Variants in THEMIS observed in about 807,000 individuals in gnomAD.
THEMIS encodes the protein protein THEMIS.
A neutral mutation model predicts 52.6 loss-of-function variants in THEMIS; 37 were observed. That is an observed-to-expected ratio of 0.70 (90% CI 0.54 to 0.93). THEMIS has a LOEUF of 0.93. Among genes scored for constraint, THEMIS ranks in the 40% least tolerant of loss-of-function variants. The pLI, the probability that THEMIS is intolerant of heterozygous loss-of-function variation, is 0.00. For missense variants in THEMIS, 808 were observed against 763.1 expected (o/e 1.06, Z -0.69); for synonymous variants, 292 against 272.7 (o/e 1.07, Z -0.70).
intron 1 of THEMIS, among the ~76,000 whole-genome samples, chr6:127,914,456 G>A (rs996087131): frequency 1.1e-4 from 17 of 152,210 alleles, no homozygotes; most frequent in African/African-American, 2.6e-4. Flanking sequence ...TCATTGTTGC[G>A]TTAATCATAG....
intron 2 of THEMIS, among the ~76,000 whole-genome samples, chr6:127,834,412 A>T (rs1345750381): frequency 8.1e-6 from 1 of 123,100 alleles, no homozygotes; most frequent in Non-Finnish European, 1.6e-5. Context: ...TCTCCACTAA[A>T]AATACAAAAA....
intron 1 of THEMIS, among the ~76,000 whole-genome samples, chr6:127,863,943 A>C (rs905960977): frequency 1.3e-5 from 2 of 152,144 alleles, no homozygotes; most frequent in Non-Finnish European, 2.9e-5. Context: ...ATACCTTATC[A>C]ATAGCTGGAT....
chr6:127,779,354 A>G (rs1231349928), intron 4 of THEMIS, among the ~76,000 whole-genome samples: 3 of 152,132 alleles, frequency 2.0e-5, no homozygotes, highest in Admixed American at 6.6e-5. Flanking sequence ...TGAGTTAACA[A>G]CGAGTTTGAA....
At chr6:127,804,296 T>G (rs970502876) in intron 4 of THEMIS, among the ~76,000 whole-genome samples, 2 of 152,116 alleles carry the variant, frequency 1.3e-5, no homozygotes, top group East Asian at 1.9e-4. Flanking sequence ...CTGTGCCAAA[T>G]AGTACCTAGT....
chr6:127,759,747 T>C (rs974931675), intron 4 of THEMIS, among the ~76,000 whole-genome samples: 3 of 152,030 alleles, frequency 2.0e-5, no homozygotes, highest in Admixed American at 6.6e-5. Flanking sequence ...GTATGTTGTT[T>C]ATTTTCCTTT....
At chr6:127,880,627 T>A (rs924224180) in intron 1 of THEMIS, among the ~76,000 whole-genome samples, 1 of 148,178 alleles carries the variant, frequency 6.7e-6, no homozygotes, top group Non-Finnish European at 1.5e-5. Flanking sequence ...AATTCACACA[T>A]TGTTTATGGG....
At chr6:127,700,015 T>C in the THEMIS span, among the ~76,000 whole-genome samples, 1 of 151,796 alleles carries the variant, frequency 6.6e-6, no homozygotes, top group Non-Finnish European at 1.5e-5. Context: ...AATGAAAAGA[T>C]AAACCACCGA....
At chr6:127,912,588 T>G (rs976240184) in intron 1 of THEMIS, among the ~76,000 whole-genome samples, 4 of 152,172 alleles carry the variant, frequency 2.6e-5, no homozygotes, top group Non-Finnish European at 4.4e-5. Flanking sequence ...GCTTCCATAT[T>G]ATTTTAGACC....
chr6:127,727,554 A>G (rs1012900842), intron 4 of THEMIS, among the ~76,000 whole-genome samples: 7 of 152,116 alleles, frequency 4.6e-5, no homozygotes, highest in Non-Finnish European at 1.0e-4. Flanking sequence ...TACCTTTGAA[A>G]TCATCTTAGC....
downstream of THEMIS, among the ~76,000 whole-genome samples, chr6:127,705,488 C>T (rs1773788129): frequency 6.6e-6 from 1 of 152,164 alleles, no homozygotes; most frequent in African/African-American, 2.4e-5. Flanking sequence ...TGGCCCTCTC[C>T]CTGATAAGTT....
intron 1 of THEMIS, among the ~76,000 whole-genome samples, chr6:127,881,307 A>G (rs562352188): frequency 6.6e-6 from 1 of 152,198 alleles, no homozygotes; most frequent in Non-Finnish European, 1.5e-5. Flanking sequence ...TAGCCAATTA[A>G]TATCTTTAAC....
intron 3 of THEMIS, among the ~76,000 whole-genome samples, chr6:127,828,134 C>T (rs1778571937): frequency 6.6e-6 from 1 of 152,126 alleles, no homozygotes. Context: ...TTTCTTGCTT[C>T]CTAATTTATT....
chr6:127,881,997 CAAA>C (rs5879865), intron 1 of THEMIS, among the ~76,000 whole-genome samples: 23 of 118,186 alleles, frequency 1.9e-4, no homozygotes, highest in Non-Finnish European at 2.5e-4. Flanking sequence ...TCTTATACAG[CAAA>C]AAAAAAAAAA....
chr6:127,895,367 T>C (rs1243644929), intron 1 of THEMIS, among the ~76,000 whole-genome samples: 2 of 151,550 alleles, frequency 1.3e-5, no homozygotes, highest in Non-Finnish European at 3.0e-5. Context: ...CAACTTGATG[T>C]TTCTGACATT....
chr6:127,880,870 G>A (rs1021252932), intron 1 of THEMIS, among the ~76,000 whole-genome samples: 5 of 152,022 alleles, frequency 3.3e-5, no homozygotes, highest in African/African-American at 1.2e-4. Context: ...CCATTTCCAT[G>A]TAAAAAGTTT....
intron 1 of THEMIS, among the ~76,000 whole-genome samples, chr6:127,884,412 G>A (rs1780581918): frequency 6.6e-6 from 1 of 151,932 alleles, no homozygotes; most frequent in Non-Finnish European, 1.5e-5. Context: ...TCCTATAAAG[G>A]CCTCAAACTC....
intron 2 of THEMIS, among the ~76,000 whole-genome samples, chr6:127,831,276 A>T (rs953108435): frequency 6.6e-6 from 1 of 152,026 alleles, no homozygotes; most frequent in Admixed American, 6.6e-5. Flanking sequence ...GTTCTGTTTG[A>T]TTTATTTTAT....
intron 4 of THEMIS, among the ~76,000 whole-genome samples, chr6:127,783,997 C>T (rs1415825146): frequency 6.6e-6 from 1 of 152,092 alleles, no homozygotes; most frequent in Non-Finnish European, 1.5e-5. Flanking sequence ...AAATGCCCAT[C>T]GATGGTAGAC....
At chr6:127,726,193 C>T (rs1774540479) in intron 4 of THEMIS, among the ~76,000 whole-genome samples, 1 of 152,090 alleles carries the variant, frequency 6.6e-6, no homozygotes, top group South Asian at 2.1e-4. Context: ...ATTCCAAGTA[C>T]CTCCAGAAAG....
Sources: gnomAD v4.1 joint callset for allele counts (sites outside exome capture counted in the v4.1 genomes callset) on GRCh38, gnomAD v4.1.1 for gene constraint, MANE v1.5 for transcripts, NCBI Gene and HGNC (gene_info 2026-07-23, HGNC 2026-07-21) for gene names.